Variants in NUP214 observed in about 807,000 individuals in gnomAD.
NUP214 encodes the protein nucleoporin 214.
In NUP214, 79 loss-of-function variants were observed where a neutral mutation model predicts 196.2. The ratio of observed to expected loss-of-function variants is 0.40; its 90% confidence interval spans 0.34 to 0.49. The LOEUF is 0.49. Ranked by LOEUF, NUP214 falls within the 20% of genes least tolerant of loss-of-function variation. The pLI is 0.58. For missense variants in NUP214, 2,468 were observed against 2,539.0 expected (o/e 0.97, Z 0.60); for synonymous variants, 1,020 against 990.5 (o/e 1.03, Z -0.56).
chr9:131,168,220 G>A (rs749574915), intron 21 of NUP214, among the ~76,000 whole-genome samples: 12 of 152,218 alleles, frequency 7.9e-5, no homozygotes, highest in Non-Finnish European at 1.0e-4. Context: ...TTGTAAAATA[G>A]TGAGATTTAT....
At chr9:131,127,453 G>T in intron 1 of NUP214, 71 bp from the exon 2 acceptor site, 1 of 1,211,778 alleles carries the variant, frequency 8.3e-7, no homozygotes, top group East Asian at 2.3e-5. Context: ...ACTGAAATTG[G>T]GTCTACTGAA....
chr9:131,150,000 A>AGT, intron 14 of NUP214: 1 of 188,636 alleles, frequency 5.3e-6, no homozygotes, highest in Non-Finnish European at 1.1e-5. Flanking sequence ...TCTCATCTGA[A>AGT]GTAGTGCCCT....
chr9:131,129,446 A>C lies in NUP214; in HGVS notation c.561A>C (p.Ala187=). ...TCACGGAAACAGTGAAAGTATGTGCAACTCTTCCTTCCACGGTAGCAGTAA... is the reference window on the plus strand; with the variant it reads ...TCACGGAAACAGTGAAAGTATGTGCCACTCTTCCTTCCACGGTAGCAGTAA... ...LQVTETVKVC[A]TLPSTVAVTS... Residue 187 remains alanine, a synonymous_variant, in exon 4 of 36, where the codon GCA becomes GCC. Transcript: ENST00000359428. 1.2e-6 allele frequency: 2 copies of C among 1,614,208 alleles called. No individual in the cohort carries two copies. The highest frequency in any genetic ancestry group is 1.7e-6 in the Non-Finnish European group (2 of 1,180,026).
rs1554737949 is a variant in NUP214, at chr9:131,196,025, T to TCCCTCCCCCCCCCC, written c.3721+734_3721+735insTCCCCCCCCCCCCC. On this transcript the variant is annotated intron_variant, in intron 28 of 35. Coordinates refer to ENST00000359428, the MANE Select transcript of NUP214 (RefSeq NM_005085.4). Reference sequence around the variant, plus strand: ...GGCAACAAGAGTGAAACTCTGTGTGTCCCCCCCCCCCCCCGCGCCAAAAAA... The same window carrying TCCCTCCCCCCCCCC: ...GGCAACAAGAGTGAAACTCTGTGTGTCCCTCCCCCCCCCCCCCCCCCCCCCCCCGCGCCAAAAAA... Among the ~76,000 whole-genome samples, 8 of 3,666 alleles carry TCCCTCCCCCCCCCC rather than the reference T, an allele frequency of 2.2e-3. 2 individuals are homozygous for TCCCTCCCCCCCCCC. Among genetic ancestry groups the TCCCTCCCCCCCCCC allele is most frequent in the Admixed American group, 0.013 (3 of 228 alleles). The allele number at this position is 3,666 out of a possible 152,430, so 2.4% of individuals were successfully genotyped here.
At position 131,233,817 on chromosome 9, in the gene NUP214, T is replaced by C; in HGVS notation, c.*330T>C. ...GAACACTGTGTCTTCAAGGATGGCA[T>C]CAGAAGTCACCAGCGTCGGGTGTTG... On this transcript the variant is annotated 3_prime_UTR_variant, in exon 36 of 36. Coordinates refer to ENST00000359428, the MANE Select transcript of NUP214 (RefSeq NM_005085.4). 2.4e-6 allele frequency: 1 copy of C among 424,874 alleles called. No individual in the cohort carries two copies. The highest frequency in any genetic ancestry group is 4.4e-6 in the Non-Finnish European group (1 of 226,500). The allele number at this position is 424,874 out of a possible 1,614,324, so 26.3% of individuals were successfully genotyped here.
In NUP214 at chr9:131,233,535, G is replaced by T. The variant is rs1019774239; in HGVS notation, c.*48G>T. 1 of 1,610,536 alleles carries T rather than the reference G, an allele frequency of 6.2e-7. No individual in the cohort carries two copies. On this transcript the variant is annotated 3_prime_UTR_variant, in exon 36 of 36. Coordinates refer to ENST00000359428, the MANE Select transcript of NUP214 (RefSeq NM_005085.4). Reference sequence around the variant, plus strand: ...ATCCCTGGGACCAACCGCATCCTCAGCTTCTTCCCCGAGAAATGCTGGAGC... The same window carrying T: ...ATCCCTGGGACCAACCGCATCCTCATCTTCTTCCCCGAGAAATGCTGGAGC...
chr9:131,215,389 C>G (rs1041181783), intron 31 of NUP214, 21 bp downstream of exon 31: 2 of 1,556,170 alleles, frequency 1.3e-6, no homozygotes, highest in Non-Finnish European at 8.7e-7. Context: ...AAGACTTTTC[C>G]CAGTCCCTTG....
At chr9:131,169,277 G>A (rs892881071) in intron 21 of NUP214, among the ~76,000 whole-genome samples, 3 of 151,824 alleles carry the variant, frequency 2.0e-5, no homozygotes, top group African/African-American at 4.8e-5. Context: ...CTTGTGATCC[G>A]CCTGCCTCAG....
At chr9:131,213,553 C>T (rs1381175816) in intron 30 of NUP214, among the ~76,000 whole-genome samples, 1 of 152,128 alleles carries the variant, frequency 6.6e-6, no homozygotes, top group Non-Finnish European at 1.5e-5. Flanking sequence ...CATATACTGG[C>T]AATTTTCTGT....
rs1250227063 is a variant in NUP214, at chr9:131,144,612, G to A, written c.1627G>A (p.Ala543Thr). 6.2e-7 allele frequency: 1 copy of A among 1,614,100 alleles called. No homozygotes were observed. Among genetic ancestry groups the A allele is most frequent in the African/African-American group, 1.3e-5 (1 of 74,998 alleles). Residue 543 changes from alanine (A) to threonine (T), a missense_variant, in exon 12 of 36, where the codon GCT (alanine) becomes ACT (threonine). Transcript: ENST00000359428. ...TGCAGCGTCTCCTGTGGCTCCATCA[G>A]CTGCTTCATTCTCCTTTGGATCATC... is the stretch of plus-strand genomic sequence containing the variant. The part of the protein sequence containing the change: ...TPAASPVAPS[A>T]ASFSFGSSGF...
intron 11 of NUP214, among the ~76,000 whole-genome samples, chr9:131,143,300 C>T (rs531350274): frequency 1.3e-4 from 20 of 152,280 alleles, no homozygotes; most frequent in African/African-American, 3.8e-4. Flanking sequence ...TGAGCCACTG[C>T]GCCCAGCCTT....
At chr9:131,141,089 T>C (rs1056124138) in intron 11 of NUP214, among the ~76,000 whole-genome samples, 1 of 151,196 alleles carries the variant, frequency 6.6e-6, no homozygotes, top group Non-Finnish European at 1.5e-5. Context: ...ATGTACCAAT[T>C]ATAAATGTTA....
At chr9:131,139,532 A>G in intron 10 of NUP214, 125 bp downstream of exon 10, 1 of 1,395,132 alleles carries the variant, frequency 7.2e-7, no homozygotes, top group African/African-American at 1.5e-5. Context: ...CTGGCAGCAC[A>G]TTTCTCCCTG....
intron 28 of NUP214, 148 bp from the exon 29 acceptor site, chr9:131,197,068 C>G: frequency 9.4e-7 from 1 of 1,068,484 alleles, no homozygotes; most frequent in Non-Finnish European, 1.3e-6. Flanking sequence ...CTCATTCCAC[C>G]TCCTTAGAGA....
intron 29 of NUP214, among the ~76,000 whole-genome samples, chr9:131,199,911 T>C (rs1406553726): frequency 6.6e-6 from 1 of 152,108 alleles, no homozygotes; most frequent in Non-Finnish European, 1.5e-5. Context: ...TAAATTCAGC[T>C]ATAAGGACAC....
chr9:131,175,192 G>C (rs1314575403), intron 22 of NUP214, among the ~76,000 whole-genome samples: 6 of 152,098 alleles, frequency 3.9e-5, no homozygotes, highest in African/African-American at 1.4e-4. Context: ...TTGTGAGAGG[G>C]GATCAGGGAA....
chr9:131,132,260 C>T (rs568109149), intron 5 of NUP214, among the ~76,000 whole-genome samples: 6 of 151,760 alleles, frequency 4.0e-5, no homozygotes, highest in East Asian at 1.9e-4. Context: ...GCTGGGATTA[C>T]GGCACCCGCC....
intron 31 of NUP214, among the ~76,000 whole-genome samples, chr9:131,221,543 TG>T (rs958279167): frequency 6.6e-6 from 1 of 152,128 alleles, no homozygotes; most frequent in Non-Finnish European, 1.5e-5. Flanking sequence ...GACAGGTTAA[TG>T]GGGGGGCCAC....
chr9:131,169,304 G>T (rs1397798052), intron 21 of NUP214, among the ~76,000 whole-genome samples: 1 of 151,978 alleles, frequency 6.6e-6, no homozygotes, highest in Non-Finnish European at 1.5e-5. Context: ...AAAGTGCTCG[G>T]ATTACAGGTG....
Sources: allele counts gnomAD v4.1 joint callset (sites outside exome capture counted in the v4.1 genomes callset), GRCh38; gene constraint gnomAD v4.1.1; transcripts MANE v1.5; gene names NCBI Gene and HGNC (gene_info 2026-07-23, HGNC 2026-07-21).